Variants in PHC3 observed in about 807,000 individuals in gnomAD.
The protein encoded by PHC3 is polyhomeotic-like protein 3.
Under a neutral mutation model 107.4 loss-of-function variants are expected in PHC3, and 13 were observed. That is an observed-to-expected ratio of 0.12 (90% CI 0.08 to 0.19). The LOEUF is 0.19. Ranked by LOEUF, PHC3 falls within the 10% of genes least tolerant of loss-of-function variation. The pLI, the probability that PHC3 is intolerant of heterozygous loss-of-function variation, is 1.00. For synonymous variants in PHC3, 456 were observed against 427.4 expected, an observed-to-expected ratio of 1.07 and a Z score of -0.83; for missense variants, 992 against 1,210.9, an observed-to-expected ratio of 0.82 and a Z score of 2.68.
Position 170,145,483 on chromosome 3 carries a change from C to T in PHC3, c.612G>A (p.Gln204=). ...FTPATTVAAV[Q]SDIPVVSSSS... ...ACGACGAGACAACAGGAATGTCAGA[C>T]TGTACAGCAGCCACAGTGGTAGCGG... Residue 204 remains glutamine (Q), a synonymous_variant, in exon 6 of 15, where the codon CAG becomes CAA. Coordinates refer to ENST00000495893, the MANE Select transcript of PHC3 (RefSeq NM_024947.4). 1 of 1,613,664 alleles carries T rather than the reference C, an allele frequency of 6.2e-7. No homozygotes were observed. Among genetic ancestry groups the T allele is most frequent in the Non-Finnish European group, 8.5e-7 (1 of 1,179,662 alleles).
chr3:170,112,404 T>C (rs1159947207), intron 11 of PHC3, among the ~76,000 whole-genome samples: 1 of 150,348 alleles, frequency 6.7e-6, no homozygotes, highest in Non-Finnish European at 1.5e-5. Context: ...TATTTTTTTT[T>C]AGTAGAGATG....
chr3:170,169,490 C>A (rs1431260899), intron 4 of PHC3, among the ~76,000 whole-genome samples: 1 of 152,212 alleles, frequency 6.6e-6, no homozygotes, highest in Non-Finnish European at 1.5e-5. Flanking sequence ...CAGAAGCTCA[C>A]AACGGATAGT....
intron 2 of PHC3, among the ~76,000 whole-genome samples, chr3:170,175,330 G>T (rs1025381737): frequency 6.6e-6 from 1 of 152,058 alleles, no homozygotes; most frequent in African/African-American, 2.4e-5. Flanking sequence ...TTGAAAACTA[G>T]AGGACAAAAT....
intron 2 of PHC3, among the ~76,000 whole-genome samples, chr3:170,178,421 G>A (rs1263763079): frequency 2.0e-5 from 3 of 152,192 alleles, no homozygotes; most frequent in East Asian, 3.9e-4. Flanking sequence ...GTGAGCCACC[G>A]CGCCCGGCCG....
intron 4 of PHC3, among the ~76,000 whole-genome samples, chr3:170,165,270 GCA>G (rs1445988316): frequency 6.6e-6 from 1 of 152,080 alleles, no homozygotes; most frequent in African/African-American, 2.4e-5. Flanking sequence ...CATTAAGGCA[GCA>G]CACTCTCCCT....
At chr3:170,138,047 T>C (rs552268939) in intron 6 of PHC3, among the ~76,000 whole-genome samples, 1 of 151,812 alleles carries the variant, frequency 6.6e-6, no homozygotes, top group African/African-American at 2.4e-5. Context: ...ATACACAAAT[T>C]AGCCAGGCAT....
intron 4 of PHC3, chr3:170,170,925 A>G (rs1252873048): frequency 6.2e-6 from 1 of 161,646 alleles, no homozygotes; most frequent in Non-Finnish European, 1.3e-5. Flanking sequence ...TCTTGAATGG[A>G]TACTTGCAAA....
intron 10 of PHC3, among the ~76,000 whole-genome samples, chr3:170,114,587 A>G (rs1718537492): frequency 6.6e-6 from 1 of 152,218 alleles, no homozygotes; most frequent in Non-Finnish European, 1.5e-5. Context: ...AAAGAAATGG[A>G]AAATCCTCAA....
chr3:170,159,756 A>C (rs1727567187), intron 4 of PHC3, among the ~76,000 whole-genome samples: 1 of 152,242 alleles, frequency 6.6e-6, no homozygotes, highest in Non-Finnish European at 1.5e-5. Context: ...GCAAACAGGC[A>C]TATCTCAAAG....
intron 4 of PHC3, among the ~76,000 whole-genome samples, chr3:170,159,976 T>C (rs898196663): frequency 2.0e-5 from 3 of 152,230 alleles, no homozygotes; most frequent in Non-Finnish European, 4.4e-5. Flanking sequence ...TTCTTCCACA[T>C]AGCCTTTAAA....
Position 170,129,009 on chromosome 3 carries a change from G to T in PHC3, c.1463C>A (p.Ser488Tyr). 1.2e-6 allele frequency: 2 copies of T among 1,613,610 alleles called. No homozygotes were observed. ...IGPVQQSALV[S>Y]PGQQIVSPSH... ...TGGAGAGACAATCTGCTGGCCTGGGGATACCAAGGCAGACTGCTGAACTGG... is the reference window on the plus strand; with the variant it reads ...TGGAGAGACAATCTGCTGGCCTGGGTATACCAAGGCAGACTGCTGAACTGG... The change falls in exon 8 of 15, where the codon TCC becomes TAC. Residue 488 changes from serine (S) to tyrosine (Y), a missense_variant. Ser to Tyr is a moderately radical substitution (Grantham distance 144). Coordinates refer to ENST00000495893, the MANE Select transcript of PHC3 (RefSeq NM_024947.4).
At chr3:170,158,072 C>T (rs1727176356) in intron 4 of PHC3, among the ~76,000 whole-genome samples, 3 of 151,848 alleles carry the variant, frequency 2.0e-5, no homozygotes, top group Non-Finnish European at 4.4e-5. Context: ...TACTAAACCC[C>T]ACTGAAATAG....
At chr3:170,158,955 G>C (rs1189778783) in intron 4 of PHC3, among the ~76,000 whole-genome samples, 2 of 142,748 alleles carry the variant, frequency 1.4e-5, no homozygotes, top group Non-Finnish European at 3.1e-5. Context: ...GAAAATAAAA[G>C]TAAAATAAAA....
intron 1 of PHC3, among the ~76,000 whole-genome samples, chr3:170,180,394 A>G (rs1457838669): frequency 4.6e-5 from 7 of 152,144 alleles, no homozygotes; most frequent in African/African-American, 1.7e-4. Context: ...GGCTGCAGTG[A>G]GCTATGATCG....
intron 7 of PHC3, among the ~76,000 whole-genome samples, chr3:170,133,794 G>T (rs972029888): frequency 6.6e-6 from 1 of 152,160 alleles, no homozygotes; most frequent in South Asian, 2.1e-4. Flanking sequence ...CACTATTAAT[G>T]AAAGAGGGGA....
At chr3:170,165,321 C>T (rs373293059) in intron 4 of PHC3, among the ~76,000 whole-genome samples, 28 of 152,224 alleles carry the variant, frequency 1.8e-4, no homozygotes, top group African/African-American at 6.7e-4. Context: ...AATAAGATCA[C>T]CAGTCACACA....
chr3:170,178,251 C>T (rs1446079466), intron 2 of PHC3, among the ~76,000 whole-genome samples: 5 of 150,730 alleles, frequency 3.3e-5, no homozygotes, highest in African/African-American at 1.2e-4. Flanking sequence ...TCACGCCATT[C>T]TCCTGCCTCA....
intron 11 of PHC3, among the ~76,000 whole-genome samples, chr3:170,108,569 G>T (rs1717010622): frequency 6.6e-6 from 1 of 152,106 alleles, no homozygotes; most frequent in East Asian, 1.9e-4. Flanking sequence ...CTCAAAACAA[G>T]TAAATTAAAA....
At chr3:170,111,429 G>A (rs1348255983) in intron 11 of PHC3, among the ~76,000 whole-genome samples, 8 of 150,552 alleles carry the variant, frequency 5.3e-5, no homozygotes, top group Non-Finnish European at 1.0e-4. Context: ...AAGAAGGAAG[G>A]AGAAAGAAAG....
Sources: gnomAD v4.1 joint callset for allele counts (sites outside exome capture counted in the v4.1 genomes callset) on GRCh38, gnomAD v4.1.1 for gene constraint, MANE v1.5 for transcripts, NCBI Gene and HGNC (gene_info 2026-07-23, HGNC 2026-07-21) for gene names.